The following TP73 variants were observed in gnomAD, a reference collection of about 807,000 sequenced individuals.
TP73 encodes tumor protein p73.
In TP73, 25 loss-of-function variants were observed where a neutral mutation model predicts 62.5. That is an observed-to-expected ratio of 0.40 (90% CI 0.29 to 0.56). The LOEUF (loss-of-function observed/expected upper bound fraction) is 0.56. Among genes scored for constraint, TP73 ranks in the 20% least tolerant of loss-of-function variants. TP73 has a pLI of 0.46. For synonymous variants in TP73, 423 were observed against 377.5 expected, an observed-to-expected ratio of 1.12 and a Z score of -1.40; for missense variants, 754 against 913.3, an observed-to-expected ratio of 0.83 and a Z score of 2.25.
At chr1:3,689,409 G>T (rs1188845009) in intron 3 of TP73, among the ~76,000 whole-genome samples, 1 of 152,188 alleles carries the variant, frequency 6.6e-6, no homozygotes, top group East Asian at 1.9e-4. Flanking sequence ...CTCACCTGCT[G>T]CCTCCCGGCC....
intron 1 of TP73, among the ~76,000 whole-genome samples, chr1:3,679,162 G>T (rs1645447282): frequency 6.6e-6 from 1 of 152,238 alleles, no homozygotes; most frequent in Non-Finnish European, 1.5e-5. Flanking sequence ...GACAAGAAGG[G>T]TCGCTGTTCC....
At chr1:3,674,592 A>C (rs1251425744) in intron 1 of TP73, among the ~76,000 whole-genome samples, 2 of 152,210 alleles carry the variant, frequency 1.3e-5, no homozygotes. Flanking sequence ...CCACAGAGGG[A>C]GGCCACATGG....
rs1393563429 is a variant in TP73 at position 3,662,600 on chromosome 1, GCTGGGCAGAGCCACTC to G, written c.-34+9963_-34+9978del. 6.6e-6 allele frequency among the ~76,000 whole-genome samples: 1 copy of G among 152,230 alleles called. No homozygotes were observed. On this transcript the variant is annotated intron_variant, in intron 1 of 13. Coordinates refer to ENST00000378295, the MANE Select transcript of TP73 (RefSeq NM_005427.4). The surrounding 1 kb of genome is among the most constrained non-coding windows in gnomAD (Gnocchi z 4.4). ...CTTTCATTTCTCTCCCAGACAGGCA[GCTGGGCAGAGCCACTC>G]CTGTGTCTGCAGTTACTCGAAATAA... is the stretch of plus-strand genomic sequence containing the variant.
At position 3,730,949 on chromosome 1, in the gene TP73, T is replaced by C. The variant is rs775153625; in HGVS notation, c.1368T>C (p.His456=). 7 of 1,609,562 alleles carry C rather than the reference T, an allele frequency of 4.3e-6. No homozygotes were observed. Among genetic ancestry groups the C allele is most frequent in the Admixed American group, 1.7e-5 (1 of 59,784 alleles). The change falls in exon 12 of 14, where the codon CAT becomes CAC. Residue 456 remains histidine (H), a synonymous_variant. Transcript: ENST00000378295. ...CAGGCCCCGGGATGCTCAACAACCA[T>C]GGCCACGCAGTGCCAGCCAACGGCG... ...GPVGPGMLNN[H]GHAVPANGEM...
intron 3 of TP73, among the ~76,000 whole-genome samples, chr1:3,700,760 G>A (rs1189225611): frequency 1.3e-5 from 2 of 151,784 alleles, no homozygotes; most frequent in Non-Finnish European, 1.5e-5. Context: ...CAGCCTGGGC[G>A]ACACAGTGAG....
intron 3 of TP73, chr1:3,690,758 C>G: frequency 6.8e-7 from 1 of 1,472,764 alleles, no homozygotes; most frequent in Non-Finnish European, 9.0e-7. Context: ...ATCCTCGGCT[C>G]CTGCCTCACT....
rs1385969749 is a variant in TP73, at chr1:3,696,018, G to A, written c.187-11531G>A. ...GAAAACGCCGCGGTCGGCCGTGGCT[G>A]TGTTGGAGATGCCCGGCAGCCATTG... On this transcript the variant is annotated intron_variant, in intron 3 of 13. Transcript: ENST00000378295. This position sits in a 1 kb window ranked among gnomAD's most constrained non-coding sequence, Gnocchi z 4.1. Among the ~76,000 whole-genome samples, 1 of 152,216 alleles carries A rather than the reference G, an allele frequency of 6.6e-6. No homozygotes were observed. Among genetic ancestry groups the A allele is most frequent in the Non-Finnish European group, 1.5e-5 (1 of 68,032 alleles).
intron 1 of TP73, among the ~76,000 whole-genome samples, chr1:3,669,214 A>G (rs957619403): frequency 6.6e-6 from 1 of 151,730 alleles, no homozygotes; most frequent in Non-Finnish European, 1.5e-5. Flanking sequence ...AGTCGGGGGG[A>G]GTCTCCTTGC....
rs963031492 is a variant in TP73 at position 3,666,667 on chromosome 1, G to T, written c.-34+14026G>T. ...CTAGGGTGCCCTTTGACCTCAAAGAGGCCTGTCCTGTGTGTCTCACTGAGC... is the reference window on the plus strand; with the variant it reads ...CTAGGGTGCCCTTTGACCTCAAAGATGCCTGTCCTGTGTGTCTCACTGAGC... On this transcript the variant is annotated intron_variant, in intron 1 of 13. Transcript: ENST00000378295. The surrounding 1 kb of genome is among the most constrained non-coding windows in gnomAD (Gnocchi z 6.4). Among the ~76,000 whole-genome samples, 4 of 152,144 alleles carry T rather than the reference G, an allele frequency of 2.6e-5. No homozygotes were observed. Among genetic ancestry groups the T allele is most frequent in the Non-Finnish European group, 5.9e-5 (4 of 68,020 alleles).
At position 3,663,563 on chromosome 1, in the gene TP73, A is replaced by C. The variant is rs983979739; in HGVS notation, c.-34+10922A>C. 4.6e-5 allele frequency among the ~76,000 whole-genome samples: 7 copies of C among 152,072 alleles called. No individual in the cohort carries two copies. The highest frequency in any genetic ancestry group is 8.8e-5 in the Non-Finnish European group (6 of 68,004). Reference sequence around the variant, plus strand: ...ACCCCATCTCTACTAAAAAATACAAAAAATTAGCCAGGCGTGGTGGCGGGC... The same window carrying C: ...ACCCCATCTCTACTAAAAAATACAACAAATTAGCCAGGCGTGGTGGCGGGC... On this transcript the variant is annotated intron_variant, in intron 1 of 13. Transcript: ENST00000378295. This position sits in a 1 kb window ranked among gnomAD's most constrained non-coding sequence, Gnocchi z 4.7.
At chr1:3,723,529 G>A (rs1641271729) in intron 6 of TP73, 60 bp downstream of exon 6, 3 of 796,124 alleles carry the variant, frequency 3.8e-6, no homozygotes, top group Admixed American at 2.0e-5. Context: ...GTCGGGGGAG[G>A]GGTCCCCTGA....
chr1:3,677,689 C>CTTTTTTTTTTTTTTTTTTTTTTT (rs1215137164), intron 1 of TP73, among the ~76,000 whole-genome samples: 4 of 137,224 alleles, frequency 2.9e-5, no homozygotes, highest in Non-Finnish European at 4.7e-5. Context: ...TCCTTCCTTC[C>CTTTTTTTTTTTTTTTTTTTTTTT]CTTTTTTTTT....
At chr1:3,683,779 G>C (rs1407093094) in intron 3 of TP73, among the ~76,000 whole-genome samples, 1 of 152,230 alleles carries the variant, frequency 6.6e-6, no homozygotes, top group African/African-American at 2.4e-5. Flanking sequence ...AGCCACATCT[G>C]TGCCTCTGAT....
chr1:3,656,271 G>A (rs994311840), intron 1 of TP73, among the ~76,000 whole-genome samples: 2 of 152,038 alleles, frequency 1.3e-5, no homozygotes, highest in African/African-American at 4.8e-5. Context: ...CATGTTTACA[G>A]ACTTTCTGCC....
chr1:3,654,460 G>C (rs1644823951), intron 1 of TP73, among the ~76,000 whole-genome samples: 1 of 152,214 alleles, frequency 6.6e-6, no homozygotes, highest in Non-Finnish European at 1.5e-5. Context: ...AGAATGCTGG[G>C]GTTCAAATCT....
intron 3 of TP73, among the ~76,000 whole-genome samples, chr1:3,695,247 T>G (rs929671150): frequency 6.6e-6 from 1 of 152,238 alleles, no homozygotes; most frequent in African/African-American, 2.4e-5. Flanking sequence ...AGCTGGGTGC[T>G]GTCTACCAAC....
At chr1:3,715,665 G>C (rs1640533615) in intron 4 of TP73, among the ~76,000 whole-genome samples, 1 of 152,274 alleles carries the variant, frequency 6.6e-6, no homozygotes. Flanking sequence ...AGCACTCACT[G>C]TCTCCCCAGG....
chr1:3,734,245 G>C lies in TP73; in HGVS notation c.*1166G>C, dbSNP rs566770333. On this transcript the variant is annotated 3_prime_UTR_variant, in exon 14 of 14. Coordinates refer to ENST00000378295, the MANE Select transcript of TP73 (RefSeq NM_005427.4). The surrounding 1 kb of genome is among the most constrained non-coding windows in gnomAD (Gnocchi z 4.4). ...TAGGTGTAGGGGGGTCTAGGCCTTC[G>C]TGGAGCACCCCAGGGAGTTAGTAGG... 1 of 152,274 alleles carries C rather than the reference G, an allele frequency of 6.6e-6. No individual in the cohort carries two copies. Among genetic ancestry groups the C allele is most frequent in the Non-Finnish European group, 1.5e-5 (1 of 68,138 alleles). The allele number at this position is 152,274 out of a possible 1,614,324, so 9.4% of individuals were successfully genotyped here. A position where few individuals can be genotyped will look rare whatever the true frequency, so the allele number is the denominator to read the frequency against.
intron 1 of TP73, among the ~76,000 whole-genome samples, chr1:3,674,179 C>CG (rs1165062093): frequency 4.6e-5 from 7 of 152,192 alleles, no homozygotes; most frequent in Non-Finnish European, 7.4e-5. Context: ...CCCCCACCCA[C>CG]GGGGGGTCGG....
Sources: allele counts gnomAD v4.1 joint callset (sites outside exome capture counted in the v4.1 genomes callset), GRCh38; gene constraint gnomAD v4.1.1; non-coding constraint Gnocchi (gnomAD v3.1); transcripts MANE v1.5; gene names NCBI Gene and HGNC (gene_info 2026-07-23, HGNC 2026-07-21).